The following MAP3K9 variants were observed in gnomAD, a reference collection of about 807,000 sequenced individuals.
MAP3K9 encodes the protein mixed lineage kinase 1 (tyr and ser/thr specificity).
Under a neutral mutation model 95.8 loss-of-function variants are expected in MAP3K9, and 46 were observed. The observed-to-expected ratio is 0.48, with a 90% CI of 0.38 to 0.61. MAP3K9 has a LOEUF of 0.61. MAP3K9 is among the 20% of genes least tolerant of loss of function. The pLI, the probability that MAP3K9 is intolerant of heterozygous loss-of-function variation, is 0.00. For synonymous variants in MAP3K9, 533 were observed against 593.8 expected (o/e 0.90, Z 1.49); for missense variants, 1,296 against 1,474.3 (o/e 0.88, Z 1.98).
chr14:70,783,282 C>T, intron 2 of MAP3K9: 2 of 953,854 alleles, frequency 2.1e-6, no homozygotes, highest in Non-Finnish European at 2.5e-6. Flanking sequence ...AGGAAGACGG[C>T]ATCCTAAAGT....
chr14:70,727,293 T>C lies in MAP3K9; in HGVS notation c.*3087A>G, dbSNP rs1362125683. The C allele has an allele frequency of 1.3e-5, 2 of 152,104 alleles. No individual in the cohort carries two copies. Among genetic ancestry groups the C allele is most frequent in the Admixed American group, 6.5e-5 (1 of 15,274 alleles). 9.4% of individuals were successfully genotyped at this position (152,104 alleles called of 1,614,324 possible). On this transcript the variant is annotated 3_prime_UTR_variant, in exon 12 of 12. Coordinates refer to ENST00000554752, the MANE Select transcript of MAP3K9 (RefSeq NM_001284230.2). The stretch of plus-strand genomic sequence containing the variant: ...AAATAACATACAGATAACTGAGGTA[T>C]CTACTCAGCCTCCTGGCAGCAGTCT...
intron 5 of MAP3K9, 82 bp downstream of exon 5, chr14:70,748,746 TC>T: frequency 1.9e-6 from 2 of 1,067,988 alleles, no homozygotes; most frequent in East Asian, 2.4e-5. Flanking sequence ...GGTCCAGAGG[TC>T]CCTGTGAGTG....
intron 2 of MAP3K9, chr14:70,765,560 G>A: frequency 3.4e-6 from 2 of 588,352 alleles, no homozygotes; most frequent in Non-Finnish European, 3.1e-6. Context: ...GATACATTTA[G>A]GTACACAAAG....
intron 3 of MAP3K9, among the ~76,000 whole-genome samples, chr14:70,750,894 TC>T (rs1168839693): frequency 6.6e-6 from 1 of 152,178 alleles, no homozygotes; most frequent in African/African-American, 2.4e-5. Context: ...ATACATTTTT[TC>T]CCCCAAAGTG....
At chr14:70,739,622 C>T (rs1270454663) in intron 7 of MAP3K9, among the ~76,000 whole-genome samples, 1 of 151,582 alleles carries the variant, frequency 6.6e-6, no homozygotes, top group Non-Finnish European at 1.5e-5. Context: ...TGGCAAGTTT[C>T]CTTAGGACCT....
rs749818618 is a variant in MAP3K9, at chr14:70,732,797, C to G, written c.2572G>C (p.Val858Leu). 2 of 1,614,034 alleles carry G rather than the reference C, an allele frequency of 1.2e-6. No homozygotes were observed. Among genetic ancestry groups the G allele is most frequent in the Non-Finnish European group, 1.7e-6 (2 of 1,179,954 alleles). The change falls in exon 11 of 12, where the codon GTC becomes CTC. Residue 858 changes from valine to leucine, a missense_variant. Physicochemically the swap from Val to Leu is conservative, Grantham distance 32 (BLOSUM62 1). Coordinates refer to ENST00000554752, the MANE Select transcript of MAP3K9 (RefSeq NM_001284230.2). Reference sequence around the variant, plus strand: ...GGGCTGACTGGCATCTCATACACGACAATTTCATCGCTGTCGGAGCGCAGC... The same window carrying G: ...GGGCTGACTGGCATCTCATACACGAGAATTTCATCGCTGTCGGAGCGCAGC... ...SLLRSDSDEI[V>L]VYEMPVSPVE...
At chr14:70,774,526 G>A (rs2054570833) in intron 2 of MAP3K9, among the ~76,000 whole-genome samples, 2 of 151,952 alleles carry the variant, frequency 1.3e-5, no homozygotes, top group Admixed American at 6.6e-5. Context: ...AGCCAGGCGT[G>A]GTGGTGGGCG....
intron 2 of MAP3K9, among the ~76,000 whole-genome samples, chr14:70,764,063 G>A (rs979844735): frequency 2.7e-5 from 4 of 148,242 alleles, no homozygotes; most frequent in African/African-American, 5.0e-5. Flanking sequence ...GCGGGCGCTT[G>A]TAGACCCAGC....
intron 2 of MAP3K9, among the ~76,000 whole-genome samples, chr14:70,768,519 A>G (rs369287061): frequency 1.3e-4 from 20 of 152,196 alleles, no homozygotes; most frequent in African/African-American, 4.8e-4. Context: ...TTACAGACAA[A>G]CAGCACCAAA....
chr14:70,735,103 T>G (rs2053965873), intron 9 of MAP3K9, among the ~76,000 whole-genome samples: 1 of 152,190 alleles, frequency 6.6e-6, no homozygotes. Context: ...TAGTGCACAG[T>G]GCTGAAGCAG....
chr14:70,797,448 T>A (rs894081380), intron 2 of MAP3K9, among the ~76,000 whole-genome samples: 1 of 151,482 alleles, frequency 6.6e-6, no homozygotes, highest in African/African-American at 2.4e-5. Flanking sequence ...TAAAATTTTT[T>A]AAAAAAAGGC....
Position 70,750,091 on chromosome 14 carries a change from G to A in MAP3K9, c.1002-10C>T, listed in dbSNP as rs748204674. ...AAGTAGCACCCCATAGCTAAGGAGA[G>A]GAAGAAGACAGAAGCCATGTAATAA... On this transcript the variant is annotated splice_polypyrimidine_tract_variant and intron_variant, in intron 3 of 11. Coordinates refer to ENST00000554752, the MANE Select transcript of MAP3K9 (RefSeq NM_001284230.2). The A allele has an allele frequency of 1.9e-6, 3 of 1,613,910 alleles. No individual in the cohort carries two copies. The highest frequency in any genetic ancestry group is 1.7e-5 in the Admixed American group (1 of 59,970).
intron 10 of MAP3K9, chr14:70,733,629 G>T: frequency 1.5e-6 from 1 of 677,676 alleles, no homozygotes; most frequent in South Asian, 1.7e-5. Context: ...ATAGTGACTT[G>T]GGTATCCACT....
chr14:70,775,695 T>A (rs1661673904), intron 2 of MAP3K9, among the ~76,000 whole-genome samples: 1 of 152,168 alleles, frequency 6.6e-6, no homozygotes, highest in African/African-American at 2.4e-5. Flanking sequence ...GAGAAACCTG[T>A]GTTTAGAACA....
chr14:70,769,002 G>A (rs1459750911), intron 2 of MAP3K9, among the ~76,000 whole-genome samples: 1 of 152,142 alleles, frequency 6.6e-6, no homozygotes, highest in Admixed American at 6.6e-5. Context: ...ATTGTTAAAC[G>A]TATTATACAC....
intron 9 of MAP3K9, among the ~76,000 whole-genome samples, chr14:70,734,917 G>A (rs536801459): frequency 6.6e-6 from 1 of 152,368 alleles, no homozygotes; most frequent in South Asian, 2.1e-4. Context: ...GGCAAGCACC[G>A]GGCAGCCGAG....
At chr14:70,781,388 T>C (rs1252705467) in intron 2 of MAP3K9, among the ~76,000 whole-genome samples, 8 of 152,240 alleles carry the variant, frequency 5.3e-5, no homozygotes, top group Admixed American at 5.2e-4. Flanking sequence ...CCTGCCTCCA[T>C]CTGCAGCCTC....
chr14:70,789,649 C>T (rs574167870), intron 2 of MAP3K9, among the ~76,000 whole-genome samples: 24 of 152,320 alleles, frequency 1.6e-4, no homozygotes, highest in African/African-American at 5.3e-4. Context: ...ACTCCCAAGG[C>T]GGTGTTTCTT....
chr14:70,797,080 A>T (rs2054872905), intron 2 of MAP3K9, among the ~76,000 whole-genome samples: 1 of 152,238 alleles, frequency 6.6e-6, no homozygotes, highest in Admixed American at 6.5e-5. Flanking sequence ...CATTTTAATA[A>T]GACACTTTTT....
Sources: gnomAD v4.1 joint callset for allele counts (sites outside exome capture counted in the v4.1 genomes callset) on GRCh38, gnomAD v4.1.1 for gene constraint, MANE v1.5 for transcripts, NCBI Gene and HGNC (gene_info 2026-07-23, HGNC 2026-07-21) for gene names.